Variants in PGAP6 observed in about 807,000 individuals in gnomAD.
PGAP6 encodes post-GPI attachment to proteins factor 6.
PGAP6 carries 62 observed loss-of-function variants against 68.4 expected under a neutral mutation model. That is an observed-to-expected ratio of 0.91 (90% CI 0.74 to 1.12). PGAP6 has a LOEUF of 1.12. Ranked by LOEUF, PGAP6 falls within the 50% of genes most tolerant of loss-of-function variation. The probability of loss-of-function intolerance (pLI) is 0.00; values close to 1 mark genes in which losing one functional copy is unlikely to be tolerated. For missense variants in PGAP6, 1,188 were observed against 1,068.5 expected (o/e 1.11, Z -1.56); for synonymous variants, 575 against 474.0 (o/e 1.21, Z -2.77).
intron 12 of PGAP6, 106 bp downstream of exon 12, chr16:372,505 T>C (rs766660530): frequency 8.8e-6 from 9 of 1,025,268 alleles, no homozygotes; most frequent in Non-Finnish European, 1.4e-5. Context: ...CCAGCAGATA[T>C]GGGCATTCAC....
chr16:372,028 T>A lies in PGAP6; in HGVS notation c.2275A>T (p.Ile759Phe). ...AGTTCCTCCCGATCGTTCTTGCAGA[T>A]CTGATAGTGGCAGGGGAATTTCTGC... ...CSQKFPCHYQ[I>F]CKNDREELYA... The change falls in exon 13 of 13, where the codon ATC becomes TTC. Residue 759 changes from isoleucine to phenylalanine, a missense_variant. By Grantham distance (21) the Ile-to-Phe change is conservative. Transcript: ENST00000431232. The A allele has an allele frequency of 6.2e-7, 1 of 1,612,788 alleles. No individual in the cohort carries two copies. The highest frequency in any genetic ancestry group is 1.1e-5 in the South Asian group (1 of 91,038).
At chr16:385,814 C>G (rs381421), upstream of PGAP6, among the ~76,000 whole-genome samples, 15 of 150,176 alleles carry the variant, frequency 1.0e-4, no homozygotes, top group Admixed American at 5.3e-4. Context: ...TTAGTAGAGA[C>G]GGGGTTTCAC....
chr16:374,114 A>C lies in PGAP6; in HGVS notation c.1793T>G (p.Leu598Arg). The C allele has an allele frequency of 6.2e-7, 1 of 1,611,620 alleles. No individual in the cohort carries two copies. The highest frequency in any genetic ancestry group is 8.5e-7 in the Non-Finnish European group (1 of 1,179,946). Reference protein sequence around the residue: ...HACDQPGEAVLCILSYDTLQY... With the variant: ...HACDQPGEAVRCILSYDTLQY... ...CAGCGTGTCGTAGCTGAGGATGCAC[A>C]GCACCGCCTCCCCGGGCTGGTCGCA... is the stretch of plus-strand genomic sequence containing the variant. Residue 598 changes from leucine (L) to arginine (R), a missense_variant, in exon 11 of 13, where the codon CTG becomes CGG. Physicochemically the swap from Leu to Arg is moderately radical, Grantham distance 102. Transcript: ENST00000431232.
rs554771266 is a variant in PGAP6, at chr16:374,983, G to A, written c.1440-91C>T. The A allele has an allele frequency of 5.7e-6, 9 of 1,589,190 alleles. No homozygotes were observed. The African/African-American group carries it at 6.7e-5, about 12-fold the overall frequency. ...CCAACAGGCTGACAGACATGAGAAC[G>A]CAGCATTAGGGCCCCCAGCTTTCAG... On this transcript the variant is annotated intron_variant, in intron 8 of 12. Coordinates refer to ENST00000431232, the MANE Select transcript of PGAP6 (RefSeq NM_021259.3).
rs1372683101 is a variant in PGAP6 at position 374,327 on chromosome 16, A to T, written c.1649T>A (p.Leu550Gln). 2 of 1,604,708 alleles carry T rather than the reference A, an allele frequency of 1.2e-6. No individual in the cohort carries two copies. Among genetic ancestry groups the T allele is most frequent in the Non-Finnish European group, 1.7e-6 (2 of 1,179,682 alleles). The part of the protein sequence containing the change: ...TVAQQRAATL[L>Q]LTLSNLMFLA... ...GAACATGAGGTTGCTGAGCGTGAGC[A>T]GCAGTGTGGCCGCCCTCTGCTGGGC... The change falls in exon 10 of 13, where the codon CTG (leucine) becomes CAG (glutamine). Residue 550 changes from leucine to glutamine, a missense_variant. Leu to Gln is a moderately radical substitution (Grantham distance 113, BLOSUM62 -2). Transcript: ENST00000431232.
chr16:385,870 C>T (rs961028543), upstream of PGAP6, among the ~76,000 whole-genome samples: 1 of 151,904 alleles, frequency 6.6e-6, no homozygotes, highest in South Asian at 2.1e-4. Flanking sequence ...GTGATCTGCC[C>T]ATCTCAGCCT....
chr16:374,159 G>T lies in PGAP6; in HGVS notation c.1756-8C>A. 1 of 1,610,676 alleles carries T rather than the reference G, an allele frequency of 6.2e-7. No individual in the cohort carries two copies. The highest frequency in any genetic ancestry group is 8.5e-7 in the Non-Finnish European group (1 of 1,179,904). On this transcript the variant is annotated splice_region_variant and splice_polypyrimidine_tract_variant and intron_variant, in intron 10 of 12. Transcript: ENST00000431232. The stretch of plus-strand genomic sequence containing the variant: ...GTCGCAGGCGTGGTAGAACTGTGGG[G>T]AGGCTCCATGAGCGCGGTCCTGCCC...
At chr16:384,099 G>A (rs1181611324), upstream of PGAP6, among the ~76,000 whole-genome samples, 3 of 152,222 alleles carry the variant, frequency 2.0e-5, no homozygotes, top group Non-Finnish European at 2.9e-5. Context: ...TGAGTGTGCT[G>A]TGCCGGACTG....
chr16:383,128 CACAAAAACAAAA>C (rs151273890), upstream of PGAP6, among the ~76,000 whole-genome samples: 1 of 151,204 alleles, frequency 6.6e-6, no homozygotes, highest in Non-Finnish European at 1.5e-5. Context: ...AAAACAAAAA[CACAAAAACAAAA>C]ACAAAAACAA....
rs370003191 is a variant in PGAP6, at chr16:372,709, T to C, written c.1921A>G (p.Thr641Ala). The change falls in exon 12 of 13, where the codon ACA becomes GCA. Residue 641 changes from threonine to alanine, a missense_variant. Thr to Ala is a moderately conservative substitution (Grantham distance 58). Transcript: ENST00000431232. ...TGCAAGGACATGGCGATGACCAGTG[T>C]ACCCAGAAGAAACAGCACCTGCGCA... Reference protein sequence around the residue: ...VLKYVLFLLGTLVIAMSLQLD... With the variant: ...VLKYVLFLLGALVIAMSLQLD... 2 of 1,610,698 alleles carry C rather than the reference T, an allele frequency of 1.2e-6. No homozygotes were observed. The highest frequency in any genetic ancestry group is 2.7e-5 in the African/African-American group (2 of 74,834).
chr16:372,509 C>T, intron 12 of PGAP6, 102 bp downstream of exon 12: 1 of 1,035,520 alleles, frequency 9.7e-7, no homozygotes, highest in African/African-American at 1.6e-5. Context: ...CAGATATGGG[C>T]ATTCACTGGT....
At chr16:382,763 G>A (rs2054455137), upstream of PGAP6, among the ~76,000 whole-genome samples, 1 of 151,386 alleles carries the variant, frequency 6.6e-6, no homozygotes, top group Non-Finnish European at 1.5e-5. Context: ...GGGTGGGGGC[G>A]TCTGCAAAGC....
chr16:375,076 G>A (rs1406940687), intron 8 of PGAP6, 57 bp downstream of exon 8: 30 of 1,600,466 alleles, frequency 1.9e-5, no homozygotes, highest in Non-Finnish European at 2.5e-5. Context: ...CCCGGCCTGT[G>A]GTCCTGAGTG....
In PGAP6 at chr16:372,276, C is replaced by T. The variant is rs766043919; in HGVS notation, c.2027G>A (p.Arg676His). Reference sequence around the variant, plus strand: ...GTAGCACTGGCGCCGGTGCCCGCAGCGGTAAGCCTGGAGAAAACAGCCACG... The same window carrying T: ...GTAGCACTGGCGCCGGTGCCCGCAGTGGTAAGCCTGGAGAAAACAGCCACG... ...FVIMASMWAY[R>H]CGHRRQCYPT... is the part of the protein sequence containing the mutation. The change falls in exon 13 of 13, where the codon CGC becomes CAC. Residue 676 changes from arginine to histidine, a missense_variant. Arg to His is a conservative substitution (Grantham distance 29). Coordinates refer to ENST00000431232, the MANE Select transcript of PGAP6 (RefSeq NM_021259.3). The T allele has an allele frequency of 1.1e-5, 17 of 1,608,236 alleles. No individual in the cohort carries two copies. Among genetic ancestry groups the T allele is most frequent in the East Asian group, 4.5e-5 (2 of 44,848 alleles).
In PGAP6 at chr16:381,793, C is replaced by T. The variant is rs923203094; in HGVS notation, c.29G>A (p.Gly10Asp). ...CGCCACCACCGCGGCCACCGCCTCGCCCCCGGTCCCGGTGCCAGCCCGGCC... is the reference window on the plus strand; with the variant it reads ...CGCCACCACCGCGGCCACCGCCTCGTCCCCGGTCCCGGTGCCAGCCCGGCC... MGRAGTGTG[G>D]EAVAAVVAGP... Residue 10 changes from glycine to aspartate, a missense_variant, in exon 1 of 13, where the codon GGC (glycine) becomes GAC (aspartate). Gly to Asp is a moderately conservative substitution (Grantham distance 94). Coordinates refer to ENST00000431232, the MANE Select transcript of PGAP6 (RefSeq NM_021259.3). 8 of 1,157,704 alleles carry T rather than the reference C, an allele frequency of 6.9e-6. No individual in the cohort carries two copies. In the African/African-American group the frequency reaches 1.3e-4, roughly 19 times the overall value. The allele number at this position is 1,157,704 out of a possible 1,614,324, so 71.7% of individuals were successfully genotyped here.
At chr16:375,089 A>G in intron 8 of PGAP6, 44 bp downstream of exon 8, 1 of 1,605,788 alleles carries the variant, frequency 6.2e-7, no homozygotes, top group Non-Finnish European at 8.5e-7. Context: ...CCTGAGTGAA[A>G]TGACAGGGTG....
At position 376,271 on chromosome 16, in the gene PGAP6, C is replaced by G; in HGVS notation, c.1089G>C (p.Val363=). 6.2e-7 allele frequency: 1 copy of G among 1,612,846 alleles called. No individual in the cohort carries two copies. Among genetic ancestry groups the G allele is most frequent in the Non-Finnish European group, 8.5e-7 (1 of 1,179,990 alleles). Residue 363 remains valine (V), a synonymous_variant, in exon 6 of 13, where the codon GTG becomes GTC. Transcript: ENST00000431232. ...CCAGGGGCTGGAAGTGCACCGACAC[C>G]ACGTCCATGTCCTCCCGCGTGACTG... ...NYPVTREDMD[V]VSVHFQPLDR... is the part of the protein sequence containing the mutation.
In PGAP6 at chr16:376,475, T is replaced by C. The variant is rs551150363; in HGVS notation, c.905-20A>G. 6.4e-7 allele frequency: 1 copy of C among 1,552,244 alleles called. No individual in the cohort carries two copies. Among genetic ancestry groups the C allele is most frequent in the South Asian group, 1.2e-5 (1 of 81,566 alleles). ...TGCAAGCTGCCGAGAGGACAAGGGG[T>C]TTGGCTGGAGGAAAGTCTGGGGATC... On this transcript the variant is annotated intron_variant, in intron 5 of 12. Coordinates refer to ENST00000431232, the MANE Select transcript of PGAP6 (RefSeq NM_021259.3).
At chr16:374,172 C>A (rs749238359) in intron 10 of PGAP6, 21 bp from the exon 11 acceptor site, 1 of 1,610,462 alleles carries the variant, frequency 6.2e-7, no homozygotes, top group Non-Finnish European at 8.5e-7. Context: ...GCTCCATGAG[C>A]GCGGTCCTGC....
Sources: allele counts gnomAD v4.1 joint callset (sites outside exome capture counted in the v4.1 genomes callset), GRCh38; gene constraint gnomAD v4.1.1; transcripts MANE v1.5; gene names NCBI Gene and HGNC (gene_info 2026-07-23, HGNC 2026-07-21).